Variants in RORB observed in about 807,000 individuals in gnomAD.
RORB encodes nuclear receptor ROR-beta.
Under a neutral mutation model 59.1 loss-of-function variants are expected in RORB, and 6 were observed. The ratio of observed to expected loss-of-function variants is 0.10; its 90% CI spans 0.06 to 0.20. The LOEUF (loss-of-function observed/expected upper bound fraction) is 0.20, where lower values mean the gene tolerates loss of function less well. Ranked by LOEUF, RORB falls within the 10% of genes least tolerant of loss-of-function variation. The probability of loss-of-function intolerance (pLI) is 1.00; values close to 1 mark genes in which losing one functional copy is unlikely to be tolerated. For synonymous variants in RORB, 215 were observed against 204.5 expected, an observed-to-expected ratio of 1.05 and a Z score of -0.44; for missense variants, 320 against 560.5, an observed-to-expected ratio of 0.57 and a Z score of 4.33.
At chr9:74,674,606 T>C (rs57655391) in intron 9 of RORB, among the ~76,000 whole-genome samples, 2,912 of 152,184 alleles carry the variant, frequency 0.019, 91 homozygotes, top group African/African-American at 0.066. Flanking sequence ...GAAATTAAAG[T>C]TCAGGTAGCA....
intron 2 of RORB, among the ~76,000 whole-genome samples, chr9:74,632,407 C>A (rs75360750): frequency 6.6e-6 from 1 of 152,104 alleles, no homozygotes; most frequent in Non-Finnish European, 1.5e-5. Flanking sequence ...CTTAAAAATT[C>A]TCTTCAGAAT....
At chr9:74,571,933 C>T (rs190560322) in intron 1 of RORB, among the ~76,000 whole-genome samples, 2 of 152,224 alleles carry the variant, frequency 1.3e-5, no homozygotes, top group East Asian at 1.9e-4. Context: ...CATCTCTGCA[C>T]CTCCCCCGCC....
chr9:74,550,454 GA>G (rs1223834201), intron 1 of RORB, among the ~76,000 whole-genome samples: 6 of 152,194 alleles, frequency 3.9e-5, no homozygotes, highest in African/African-American at 1.4e-4. Context: ...TGTAAGCTTT[GA>G]AAGCTCTACA....
At chr9:74,552,715 T>C (rs1308352469) in intron 1 of RORB, among the ~76,000 whole-genome samples, 2 of 152,136 alleles carry the variant, frequency 1.3e-5, no homozygotes, top group East Asian at 3.8e-4. Flanking sequence ...GCACATATCA[T>C]GCACGGTGCA....
intron 1 of RORB, among the ~76,000 whole-genome samples, chr9:74,582,059 T>C (rs571867790): frequency 3.9e-5 from 6 of 152,308 alleles, no homozygotes; most frequent in African/African-American, 1.4e-4. Context: ...TATTCTATCA[T>C]CTATTCAGTG....
chr9:74,543,550 G>C (rs930744194), intron 1 of RORB, among the ~76,000 whole-genome samples: 12 of 152,262 alleles, frequency 7.9e-5, no homozygotes, highest in African/African-American at 2.9e-4. Flanking sequence ...AAATCATGAG[G>C]CTGTTTTCAA....
At chr9:74,548,775 C>A (rs1307926095) in intron 1 of RORB, among the ~76,000 whole-genome samples, 1 of 152,066 alleles carries the variant, frequency 6.6e-6, no homozygotes, top group Non-Finnish European at 1.5e-5. Flanking sequence ...TCTCTTCCAG[C>A]CTTATTTTCT....
At chr9:74,663,915 A>T (rs1421048404) in intron 6 of RORB, among the ~76,000 whole-genome samples, 1 of 152,122 alleles carries the variant, frequency 6.6e-6, no homozygotes, top group Non-Finnish European at 1.5e-5. Flanking sequence ...AAATGCATAG[A>T]TTTTTCTAAC....
At chr9:74,599,431 A>G (rs1304310252) in intron 1 of RORB, among the ~76,000 whole-genome samples, 1 of 152,172 alleles carries the variant, frequency 6.6e-6, no homozygotes, top group African/African-American at 2.4e-5. Context: ...AAGAAATTAA[A>G]ACAAGCCCAC....
intron 1 of RORB, among the ~76,000 whole-genome samples, chr9:74,625,168 C>T (rs932128792): frequency 1.3e-5 from 2 of 152,188 alleles, no homozygotes; most frequent in East Asian, 3.9e-4. Context: ...TTTCCACCTT[C>T]GCAGGTGATT....
At chr9:74,544,194 C>T (rs981581988) in intron 1 of RORB, among the ~76,000 whole-genome samples, 4 of 152,192 alleles carry the variant, frequency 2.6e-5, no homozygotes, top group African/African-American at 9.7e-5. Flanking sequence ...CCTCTGTTTG[C>T]TCCATTCTCT....
chr9:74,554,576 T>TA (rs5898358), intron 1 of RORB, among the ~76,000 whole-genome samples: 43 of 149,262 alleles, frequency 2.9e-4, no homozygotes, highest in Admixed American at 5.3e-4. Context: ...TTGAATAACT[T>TA]AAAAAAAAAA....
At chr9:74,585,696 G>A (rs534381198) in intron 1 of RORB, among the ~76,000 whole-genome samples, 1 of 152,138 alleles carries the variant, frequency 6.6e-6, no homozygotes, top group Admixed American at 6.5e-5. Flanking sequence ...CATGGTTTGT[G>A]CATATTACCA....
chr9:74,523,371 G>A (rs1826110408), intron 1 of RORB, among the ~76,000 whole-genome samples: 1 of 151,392 alleles, frequency 6.6e-6, no homozygotes, highest in South Asian at 2.1e-4. Flanking sequence ...TCTTCAATCT[G>A]CCCATTTTCA....
chr9:74,603,568 C>T (rs889723377), intron 1 of RORB, among the ~76,000 whole-genome samples: 24 of 152,210 alleles, frequency 1.6e-4, no homozygotes, highest in Admixed American at 7.9e-4. Context: ...CTCTAATTAA[C>T]TATCACAAGT....
chr9:74,566,573 G>T (rs975190783), intron 1 of RORB, among the ~76,000 whole-genome samples: 1 of 152,130 alleles, frequency 6.6e-6, no homozygotes, highest in Admixed American at 6.5e-5. Context: ...GAGGTGGGTG[G>T]ATCACCTGTG....
intron 9 of RORB, among the ~76,000 whole-genome samples, chr9:74,680,733 A>G (rs563525812): frequency 6.6e-6 from 1 of 152,324 alleles, no homozygotes; most frequent in African/African-American, 2.4e-5. Flanking sequence ...GCTTCACTTT[A>G]TGTGCCCTGT....
chr9:74,658,004 C>CAAAAAAAAAAAAAA (rs60719147), intron 4 of RORB, among the ~76,000 whole-genome samples: 17 of 97,814 alleles, frequency 1.7e-4, no homozygotes, highest in South Asian at 4.0e-4. Context: ...GACTCGGTCT[C>CAAAAAAAAAAAAAA]AAAAAAAAAA....
chr9:74,520,005 A>G (rs982349624), intron 1 of RORB, among the ~76,000 whole-genome samples: 1 of 151,882 alleles, frequency 6.6e-6, no homozygotes, highest in African/African-American at 2.4e-5. Flanking sequence ...ATCCTTGAAA[A>G]CTGAAAGGCC....
Sources: allele counts gnomAD v4.1 joint callset (sites outside exome capture counted in the v4.1 genomes callset), GRCh38; gene constraint gnomAD v4.1.1; transcripts MANE v1.5; gene names NCBI Gene and HGNC (gene_info 2026-07-23, HGNC 2026-07-21).